The following BMPR1B variants were observed in gnomAD, a reference collection of about 807,000 sequenced individuals.
The protein encoded by BMPR1B is bone morphogenetic protein receptor type 1B, also known as bone morphogenetic protein receptor type-1B.
A neutral mutation model predicts 59.1 loss-of-function variants in BMPR1B; 12 were observed. The observed-to-expected ratio is 0.20, with a 90% CI of 0.13 to 0.33. The LOEUF is 0.33. BMPR1B is among the 10% of genes least tolerant of loss of function. The probability of loss-of-function intolerance (pLI) is 1.00; values close to 1 mark genes in which losing one functional copy is unlikely to be tolerated. For missense variants in BMPR1B, 550 were observed against 610.9 expected, an observed-to-expected ratio of 0.90 and a Z score of 1.05; for synonymous variants, 237 against 207.3, an observed-to-expected ratio of 1.14 and a Z score of -1.23.
At chr4:94,853,181 C>T (rs1725627773) in intron 1 of BMPR1B, among the ~76,000 whole-genome samples, 1 of 152,104 alleles carries the variant, frequency 6.6e-6, no homozygotes, top group Non-Finnish European at 1.5e-5. Context: ...CTTAAAAAAG[C>T]AACTCATTTA....
intron 1 of BMPR1B, among the ~76,000 whole-genome samples, chr4:94,824,744 G>T (rs1019842313): frequency 2.0e-5 from 3 of 151,878 alleles, no homozygotes; most frequent in Admixed American, 6.6e-5. Flanking sequence ...GGAAAAATGG[G>T]GAAAATTTGG....
rs141975681 is a variant in BMPR1B, at chr4:95,031,906, G to A, written c.-18+35772G>A. 3.9e-3 allele frequency among the ~76,000 whole-genome samples: 593 copies of A among 152,156 alleles called. 3 individuals carry two copies. The highest frequency in any genetic ancestry group is 0.013 in the African/African-American group (537 of 41,510). On this transcript the variant is annotated intron_variant, in intron 3 of 12. Transcript: ENST00000515059. ...GTGCCACTGTACTCCAGTCTGGGTG[G>A]CAGAGCAGGACTAATGTCTCAAAGA...
intron 3 of BMPR1B, chr4:95,103,600 CA>C: frequency 1.1e-5 from 6 of 549,516 alleles, no homozygotes; most frequent in Non-Finnish European, 1.4e-5. Flanking sequence ...TAATTATCTC[CA>C]TTTTAAGGAT....
chr4:95,147,353 C>T lies in BMPR1B; in HGVS notation c.1077-1395C>T, dbSNP rs532328656. On this transcript the variant is annotated intron_variant, in intron 10 of 12. Coordinates refer to ENST00000515059, the MANE Select transcript of BMPR1B (RefSeq NM_001203.3). ...AATGTTCTCAAATGACAAAAAATGA[C>T]ACCATGTATTTCATGTTGTAGAAGT... is the stretch of plus-strand genomic sequence containing the variant. 4.6e-5 allele frequency among the ~76,000 whole-genome samples: 7 copies of T among 152,260 alleles called. No individual in the cohort carries two copies. In the East Asian group the frequency reaches 1.4e-3, roughly 29 times the overall value.
chr4:94,849,846 T>G (rs970398839), intron 1 of BMPR1B, among the ~76,000 whole-genome samples: 2 of 150,920 alleles, frequency 1.3e-5, no homozygotes, highest in African/African-American at 4.9e-5. Context: ...GAACAAGAAG[T>G]AAGGAAGGGC....
At chr4:94,877,751 C>T (rs983072500) in intron 2 of BMPR1B, among the ~76,000 whole-genome samples, 14 of 151,986 alleles carry the variant, frequency 9.2e-5, no homozygotes, top group African/African-American at 3.4e-4. Context: ...CATATTTTTC[C>T]AGAGATATCA....
chr4:95,070,778 G>A (rs1341909494), intron 3 of BMPR1B, among the ~76,000 whole-genome samples: 1 of 152,024 alleles, frequency 6.6e-6, no homozygotes, highest in African/African-American at 2.4e-5. Context: ...AATAGAAAAA[G>A]AAAACTTTAA....
chr4:95,119,044 T>C (rs1341231348), intron 6 of BMPR1B, among the ~76,000 whole-genome samples: 1 of 152,200 alleles, frequency 6.6e-6, no homozygotes, highest in Non-Finnish European at 1.5e-5. Flanking sequence ...TATCTTGCAT[T>C]TACATGGAAA....
chr4:94,925,505 A>G (rs1472544064), intron 2 of BMPR1B, among the ~76,000 whole-genome samples: 3 of 152,138 alleles, frequency 2.0e-5, no homozygotes, highest in Admixed American at 1.3e-4. Context: ...TTAGCCAGTC[A>G]TATCCTAAGT....
chr4:94,764,884 C>T (rs1721911654), intron 1 of BMPR1B, among the ~76,000 whole-genome samples: 2 of 152,058 alleles, frequency 1.3e-5, no homozygotes, highest in Non-Finnish European at 2.9e-5. Context: ...GGATGTTTGC[C>T]ACTATTTGGG....
intron 3 of BMPR1B, among the ~76,000 whole-genome samples, chr4:95,022,992 T>G (rs557336607): frequency 6.6e-6 from 1 of 152,114 alleles, no homozygotes; most frequent in Non-Finnish European, 1.5e-5. Flanking sequence ...TACTCTAAAG[T>G]TATAACAGAG....
At chr4:94,818,702 G>A (rs1041457235) in intron 1 of BMPR1B, among the ~76,000 whole-genome samples, 3 of 152,122 alleles carry the variant, frequency 2.0e-5, no homozygotes, top group Admixed American at 1.3e-4. Flanking sequence ...CTCATCCCAT[G>A]TAATTACTTA....
chr4:94,988,571 A>G (rs536462590), intron 2 of BMPR1B, among the ~76,000 whole-genome samples: 7 of 152,292 alleles, frequency 4.6e-5, no homozygotes, highest in African/African-American at 1.7e-4. Flanking sequence ...TGGTTTCCGG[A>G]TTTAGTTTAT....
At chr4:95,026,072 C>G (rs1272968740) in intron 3 of BMPR1B, among the ~76,000 whole-genome samples, 1 of 140,802 alleles carries the variant, frequency 7.1e-6, no homozygotes, top group Non-Finnish European at 1.6e-5. Flanking sequence ...TACCACCATG[C>G]TTGGCTGGCT....
intron 2 of BMPR1B, among the ~76,000 whole-genome samples, chr4:94,936,861 G>A (rs919014322): frequency 6.6e-6 from 1 of 151,966 alleles, no homozygotes; most frequent in South Asian, 2.1e-4. Flanking sequence ...CCTTAGCGCA[G>A]ATCCTCACTG....
Position 95,047,751 on chromosome 4 carries a change from A to G in BMPR1B, c.-18+51617A>G, listed in dbSNP as rs568846142. On this transcript the variant is annotated intron_variant, in intron 3 of 12. Coordinates refer to ENST00000515059, the MANE Select transcript of BMPR1B (RefSeq NM_001203.3). ...AAAGGGAGATTTTTCCCATTCTACC[A>G]TTGATTTACTTGGTTATCCAGTTAC... 3.3e-5 allele frequency among the ~76,000 whole-genome samples: 5 copies of G among 152,310 alleles called. No individual in the cohort carries two copies. In the East Asian group the frequency reaches 9.6e-4, roughly 29 times the overall value.
At chr4:94,870,149 C>G (rs1431618539) in intron 1 of BMPR1B, among the ~76,000 whole-genome samples, 1 of 152,136 alleles carries the variant, frequency 6.6e-6, no homozygotes, top group Non-Finnish European at 1.5e-5. Flanking sequence ...TGCGTTTAAA[C>G]TTTTGGATAA....
At chr4:94,956,799 G>T (rs571832533) in intron 2 of BMPR1B, among the ~76,000 whole-genome samples, 66 of 118,856 alleles carry the variant, frequency 5.6e-4, no homozygotes, top group African/African-American at 2.3e-3. Flanking sequence ...TTTAAAGAAA[G>T]AATTTAATTT....
chr4:95,113,105 A>G (rs1043568118), intron 4 of BMPR1B, among the ~76,000 whole-genome samples: 19 of 152,160 alleles, frequency 1.2e-4, no homozygotes, highest in African/African-American at 4.6e-4. Context: ...CATATTGTTT[A>G]AAGTAAATTT....
Sources: gnomAD v4.1 joint callset for allele counts (sites outside exome capture counted in the v4.1 genomes callset) on GRCh38, gnomAD v4.1.1 for gene constraint, MANE v1.5 for transcripts, NCBI Gene and HGNC (gene_info 2026-07-23, HGNC 2026-07-21) for gene names.